PJA2: variants seen among roughly 807,000 people sequenced by gnomAD.
The protein encoded by PJA2 is praja ring finger ubiquitin ligase 2.
PJA2 carries 25 observed loss-of-function variants against 69.3 expected under a neutral mutation model. The ratio of observed to expected loss-of-function variants is 0.36; its 90% CI spans 0.26 to 0.50. The LOEUF (loss-of-function observed/expected upper bound fraction) is 0.50, where lower values mean the gene tolerates loss of function less well. PJA2 is among the 20% of genes least tolerant of loss of function. PJA2 has a pLI of 0.96. For missense variants in PJA2, 809 were observed against 830.2 expected (o/e 0.97, Z 0.31); for synonymous variants, 308 against 277.8 (o/e 1.11, Z -1.08).
In PJA2 at chr5:109,376,046, T is replaced by C. The variant is rs6867122; in HGVS notation, c.1283+2158A>G. Among the ~76,000 whole-genome samples, 1,287 of 152,224 alleles carry C rather than the reference T, an allele frequency of 8.5e-3. 22 individuals are homozygous for C. The highest frequency in any genetic ancestry group is 0.029 in the African/African-American group (1,199 of 41,546). ...ATAAGTACAGTCCTAGGCAGAACCA[T>C]TATCCTTTAGAATTTATTCTATGAT... On this transcript the variant is annotated intron_variant, in intron 4 of 9. Transcript: ENST00000361189.
rs1747793830 is a variant in PJA2 at position 109,409,897 on chromosome 5, A to C, written c.-143T>G. The stretch of plus-strand genomic sequence containing the variant: ...AGCGCTCGAACCTCCACCCGCCACC[A>C]CCGCCTTCTTCTCCGCCTCCAACTC... On this transcript the variant is annotated 5_prime_UTR_variant, in exon 1 of 10. Transcript: ENST00000361189. The C allele has an allele frequency of 5.8e-6, 1 of 171,672 alleles. No individual in the cohort carries two copies. The highest frequency in any genetic ancestry group is 6.6e-5 in the Admixed American group (1 of 15,154). The allele number at this position is 171,672 out of a possible 1,614,324, so 10.6% of individuals were successfully genotyped here.
At chr5:109,395,881 T>C (rs1471552532) in intron 1 of PJA2, among the ~76,000 whole-genome samples, 1 of 151,448 alleles carries the variant, frequency 6.6e-6, no homozygotes, top group Non-Finnish European at 1.5e-5. Context: ...ATGCCTGTAA[T>C]CCCAGCTACT....
intron 7 of PJA2, among the ~76,000 whole-genome samples, chr5:109,354,023 T>A (rs1484639017): frequency 1.0e-5 from 1 of 95,826 alleles, no homozygotes. Flanking sequence ...TAGATATCTA[T>A]GATATCTAGA....
intron 1 of PJA2, among the ~76,000 whole-genome samples, chr5:109,399,292 CAA>C (rs1298122414): frequency 1.3e-5 from 2 of 151,044 alleles, no homozygotes; most frequent in Non-Finnish European, 2.9e-5. Context: ...TACCCAAAAA[CAA>C]GAGACAAAGG....
chr5:109,352,766 GATATCTAATATCT>G (rs1420136061), intron 7 of PJA2, among the ~76,000 whole-genome samples: 40 of 151,614 alleles, frequency 2.6e-4, no homozygotes, highest in Non-Finnish European at 4.9e-4. Context: ...CAGATGGACA[GATATCTAATATCT>G]ATAGATATCT....
intron 5 of PJA2, among the ~76,000 whole-genome samples, chr5:109,367,164 A>ATC (rs1762598456): frequency 6.8e-6 from 1 of 148,036 alleles, no homozygotes; most frequent in Non-Finnish European, 1.5e-5. Flanking sequence ...ATATATATAT[A>ATC]TCTATGATGT....
In PJA2 at chr5:109,378,856, C is replaced by G. The variant is rs199625658; in HGVS notation, c.631G>C (p.Ala211Pro). 3.1e-6 allele frequency: 5 copies of G among 1,613,802 alleles called. No individual in the cohort carries two copies. The Admixed American group carries it at 8.3e-5, about 27-fold the overall frequency. The stretch of plus-strand genomic sequence containing the variant: ...ACTGGTGGTGAAAGACCAGTGTATG[C>G]CTCTGCCTCTCTGTTTTCCAACTCA... ...VFELENREAE[A>P]YTGLSPPVPS... Residue 211 changes from alanine (A) to proline (P), a missense_variant, in exon 4 of 10, where the codon GCA becomes CCA. Ala to Pro is a conservative substitution (Grantham distance 27). Coordinates refer to ENST00000361189, the MANE Select transcript of PJA2 (RefSeq NM_014819.5).
chr5:109,354,735 G>C (rs1483767282), intron 7 of PJA2, among the ~76,000 whole-genome samples: 1 of 137,846 alleles, frequency 7.3e-6, no homozygotes, highest in Non-Finnish European at 1.6e-5. Flanking sequence ...TTATATATTA[G>C]AGAGAGGTAA....
intron 1 of PJA2, among the ~76,000 whole-genome samples, chr5:109,398,133 C>T (rs930524368): frequency 1.3e-5 from 2 of 152,018 alleles, no homozygotes; most frequent in Admixed American, 6.5e-5. Context: ...GAATGGCGAT[C>T]GTTAAAAAGT....
chr5:109,409,286 G>C (rs560814899), intron 1 of PJA2: 1 of 152,388 alleles, frequency 6.6e-6, no homozygotes, highest in African/African-American at 2.4e-5. Context: ...GTGTCTGCGT[G>C]CCGAGCCTCA....
chr5:109,363,356 C>T (rs755498990), intron 5 of PJA2, among the ~76,000 whole-genome samples: 1 of 152,186 alleles, frequency 6.6e-6, no homozygotes, highest in Non-Finnish European at 1.5e-5. Context: ...CTCTTGAGTA[C>T]TTTCCCTTCA....
At chr5:109,364,928 C>G (rs1294636078) in intron 5 of PJA2, among the ~76,000 whole-genome samples, 1 of 152,146 alleles carries the variant, frequency 6.6e-6, no homozygotes, top group African/African-American at 2.4e-5. Context: ...ATTAAAACAA[C>G]TGAAATATGT....
At chr5:109,398,624 G>C (rs1450419645) in intron 1 of PJA2, among the ~76,000 whole-genome samples, 1 of 127,256 alleles carries the variant, frequency 7.9e-6, no homozygotes, top group African/African-American at 3.1e-5. Context: ...ACCGGGGCCT[G>C]TTGTGGGGTG....
intron 4 of PJA2, among the ~76,000 whole-genome samples, chr5:109,371,575 A>G (rs764100269): frequency 2.6e-5 from 4 of 152,154 alleles, no homozygotes; most frequent in African/African-American, 4.8e-5. Flanking sequence ...TTAGACCTAT[A>G]TAGTCAATTA....
intron 9 of PJA2, among the ~76,000 whole-genome samples, chr5:109,339,059 G>T (rs1281170840): frequency 6.6e-6 from 1 of 152,174 alleles, no homozygotes; most frequent in Non-Finnish European, 1.5e-5. Context: ...CAGACTTCAG[G>T]AGCAAATGCA....
chr5:109,340,616 G>GTC (rs1487611434), intron 9 of PJA2, among the ~76,000 whole-genome samples: 1 of 10,426 alleles, frequency 9.6e-5, no homozygotes, highest in Non-Finnish European at 1.7e-4. Context: ...GATTTATTGG[G>GTC]TCCCTCCCCC....
Position 109,335,532 on chromosome 5 carries a change from CCA to C in PJA2, c.*1697_*1698del, listed in dbSNP as rs756544995. On this transcript the variant is annotated 3_prime_UTR_variant, in exon 10 of 10. Transcript: ENST00000361189. ...GAAATCTTTAGCAACGTAAGTTTAA[CCA>C]GTAAGTGTCACAACTGATCAACAGT... is the stretch of plus-strand genomic sequence containing the variant. The C allele has an allele frequency of 1.8e-4, 27 of 152,126 alleles. No homozygotes were observed. The highest frequency in any genetic ancestry group is 4.0e-4 in the Non-Finnish European group (27 of 68,008). The allele number at this position is 152,126 out of a possible 1,614,324, so 9.4% of individuals were successfully genotyped here.
At chr5:109,339,919 C>G (rs1252205089) in intron 9 of PJA2, among the ~76,000 whole-genome samples, 1 of 152,074 alleles carries the variant, frequency 6.6e-6, no homozygotes, top group African/African-American at 2.4e-5. Flanking sequence ...ATATTATTTC[C>G]CAAATTTTGT....
intron 4 of PJA2, among the ~76,000 whole-genome samples, chr5:109,376,705 T>A (rs187040758): frequency 7.3e-4 from 111 of 152,256 alleles, no homozygotes; most frequent in African/African-American, 2.0e-3. Context: ...TGTCTTTTTT[T>A]AAAAATAGTA....
Sources: allele counts gnomAD v4.1 joint callset (sites outside exome capture counted in the v4.1 genomes callset), GRCh38; gene constraint gnomAD v4.1.1; transcripts MANE v1.5; gene names NCBI Gene and HGNC (gene_info 2026-07-23, HGNC 2026-07-21).